AGBL1: variants seen among roughly 807,000 people sequenced by gnomAD.
AGBL1 encodes cytosolic carboxypeptidase 4.
In AGBL1, 130 loss-of-function variants were observed where a neutral mutation model predicts 118.9. The observed-to-expected ratio is 1.09, with a 90% CI of 0.95 to 1.26. AGBL1 has a LOEUF of 1.26. Among genes scored for constraint, AGBL1 ranks in the 50% most tolerant of loss-of-function variants. The pLI is 0.00. For missense variants in AGBL1, 1,584 were observed against 1,298.1 expected (o/e 1.22, Z -3.38); for synonymous variants, 555 against 478.9 (o/e 1.16, Z -2.08).
At chr15:86,639,689 G>T (rs1354095014) in intron 21 of AGBL1, among the ~76,000 whole-genome samples, 2 of 152,160 alleles carry the variant, frequency 1.3e-5, no homozygotes, top group Non-Finnish European at 2.9e-5. Flanking sequence ...CACTGACAAA[G>T]TCTGGCTGCA....
rs1394655179 is a variant in AGBL1, at chr15:87,006,847, ACTAC to A, written c.3323+18760_3323+18763del. 2.0e-5 allele frequency among the ~76,000 whole-genome samples: 3 copies of A among 152,138 alleles called. No homozygotes were observed. The East Asian group carries it at 5.8e-4, about 29-fold the overall frequency. On this transcript the variant is annotated intron_variant, in intron 24 of 24. Transcript: ENST00000441037. The stretch of plus-strand genomic sequence containing the variant: ...CTTGGAGCCAAGATTTTAAACCTGG[ACTAC>A]AGCCTGAGAAGAATGGAATGAGAGA...
At chr15:86,090,021 A>G (rs926202646) in intron 1 of AGBL1, among the ~76,000 whole-genome samples, 2 of 152,226 alleles carry the variant, frequency 1.3e-5, no homozygotes, top group African/African-American at 4.8e-5. Context: ...TTTGTCGAGT[A>G]CTTACTATGT....
chr15:86,081,675 C>T (rs1895295260), intron 1 of AGBL1, among the ~76,000 whole-genome samples: 1 of 152,216 alleles, frequency 6.6e-6, no homozygotes, highest in Non-Finnish European at 1.5e-5. Flanking sequence ...AATAAGCTGA[C>T]ATTCTGAGAC....
At chr15:86,223,773 G>A (rs1033027876) in intron 5 of AGBL1, among the ~76,000 whole-genome samples, 1 of 152,154 alleles carries the variant, frequency 6.6e-6, no homozygotes, top group Admixed American at 6.5e-5. Context: ...GGGGAGCAAT[G>A]CTTTCACATG....
chr15:86,421,016 A>C (rs1379709020), intron 18 of AGBL1, among the ~76,000 whole-genome samples: 1 of 152,196 alleles, frequency 6.6e-6, no homozygotes, highest in Non-Finnish European at 1.5e-5. Flanking sequence ...GGAGAATGGA[A>C]CCAAGTTGGA....
chr15:86,837,733 A>G lies in AGBL1; in HGVS notation c.3159-69354A>G, dbSNP rs112349910. 8.1e-3 allele frequency among the ~76,000 whole-genome samples: 1,227 copies of G among 152,282 alleles called. 18 individuals are homozygous for G. The highest frequency in any genetic ancestry group is 0.028 in the African/African-American group (1,176 of 41,550). ...AATCCAGGAAATTTGATAGTGACCA[A>G]ATTAGAAGTGTATCCTCAAAATGGT... On this transcript the variant is annotated intron_variant, in intron 22 of 22. Transcript: ENST00000614907.
chr15:87,016,190 G>A (rs2081606496), intron 24 of AGBL1, among the ~76,000 whole-genome samples: 1 of 152,058 alleles, frequency 6.6e-6, no homozygotes, highest in African/African-American at 2.4e-5. Context: ...CCCTTAAGGA[G>A]AATCTGACCC....
At chr15:86,858,541 C>T (rs763926053) in intron 22 of AGBL1, among the ~76,000 whole-genome samples, 9 of 151,572 alleles carry the variant, frequency 5.9e-5, no homozygotes, top group Non-Finnish European at 1.0e-4. Flanking sequence ...AATTATCATT[C>T]ATCCATTCAT....
chr15:86,692,503 G>A (rs962788449), intron 22 of AGBL1, among the ~76,000 whole-genome samples: 8 of 152,228 alleles, frequency 5.3e-5, no homozygotes, highest in South Asian at 2.1e-4. Flanking sequence ...CTTAGGTCAC[G>A]TAGCCACTGC....
chr15:86,592,615 C>T (rs1312826915), intron 21 of AGBL1, among the ~76,000 whole-genome samples: 1 of 152,116 alleles, frequency 6.6e-6, no homozygotes, highest in Non-Finnish European at 1.5e-5. Context: ...TCATTAGAAG[C>T]GTTTTTCCCT....
At chr15:86,410,072 C>G (rs1370392060) in intron 18 of AGBL1, among the ~76,000 whole-genome samples, 1 of 152,052 alleles carries the variant, frequency 6.6e-6, no homozygotes, top group Non-Finnish European at 1.5e-5. Flanking sequence ...TAAGTTATTT[C>G]TCAATTTCTA....
intron 5 of AGBL1, among the ~76,000 whole-genome samples, chr15:86,196,879 G>GCGCGCGCACA (rs756313941): frequency 0.015 from 1,787 of 116,898 alleles, 29 homozygotes; most frequent in African/African-American, 0.024. Flanking sequence ...GCGCGCGCGC[G>GCGCGCGCACA]CACACACACA....
chr15:86,906,010 A>T (rs2141590809), intron 22 of AGBL1, among the ~76,000 whole-genome samples: 1 of 152,364 alleles, frequency 6.6e-6, no homozygotes, highest in East Asian at 1.9e-4. Flanking sequence ...AGCAGCTCAC[A>T]TCAGTCAGCA....
rs1435009215 is a variant in AGBL1, at chr15:86,910,192, TGAA to T, written c.*2902_*2904del. The T allele has an allele frequency of 2.0e-5, 3 of 152,212 alleles. No homozygotes were observed. The highest frequency in any genetic ancestry group is 1.5e-5 in the Non-Finnish European group (1 of 68,040). 9.4% of individuals were successfully genotyped at this position (152,212 alleles called of 1,614,324 possible). ...AGAAGGTCATAATTTGGGTGATTCT[TGAA>T]GAATATGCAGGAGTTTTCAAGTATA... is the stretch of plus-strand genomic sequence containing the variant. On this transcript the variant is annotated 3_prime_UTR_variant, in exon 23 of 23. Transcript: ENST00000614907.
At chr15:86,432,696 A>T (rs1421861094) in intron 18 of AGBL1, among the ~76,000 whole-genome samples, 1 of 152,206 alleles carries the variant, frequency 6.6e-6, no homozygotes, top group Non-Finnish European at 1.5e-5. Context: ...CAAGGATAGC[A>T]GAGATAAAGG....
chr15:87,000,111 TA>T (rs1156477737), intron 24 of AGBL1, among the ~76,000 whole-genome samples: 1 of 84,380 alleles, frequency 1.2e-5, no homozygotes, highest in Non-Finnish European at 2.9e-5. Flanking sequence ...GAGTTCATTG[TA>T]GATTCTGGAT....
chr15:86,931,616 G>GCTGCTGCT (rs1567245778), intron 23 of AGBL1, among the ~76,000 whole-genome samples: 1 of 148,688 alleles, frequency 6.7e-6, no homozygotes, highest in Non-Finnish European at 1.5e-5. Flanking sequence ...TGCTGCTGCT[G>GCTGCTGCT]GTTGTTGTAT....
At chr15:86,932,518 G>A (rs183550670) in intron 23 of AGBL1, among the ~76,000 whole-genome samples, 17 of 152,326 alleles carry the variant, frequency 1.1e-4, no homozygotes, top group Middle Eastern at 3.4e-3. Flanking sequence ...ATAGCTTTGC[G>A]TGGGTGTTGA....
chr15:87,009,326 G>A (rs1394558985), intron 24 of AGBL1, among the ~76,000 whole-genome samples: 1 of 152,158 alleles, frequency 6.6e-6, no homozygotes, highest in African/African-American at 2.4e-5. Flanking sequence ...CCAAGCCTTG[G>A]CAGCTTTCAC....
Sources: gnomAD v4.1 joint callset for allele counts (sites outside exome capture counted in the v4.1 genomes callset) on GRCh38, gnomAD v4.1.1 for gene constraint, MANE v1.5 for transcripts, NCBI Gene and HGNC (gene_info 2026-07-23, HGNC 2026-07-21) for gene names.